C6: variants seen among roughly 807,000 people sequenced by gnomAD.
The protein encoded by C6 is complement component C6.
C6 carries 101 observed loss-of-function variants against 112.9 expected under a neutral mutation model. The ratio of observed to expected loss-of-function variants is 0.89; its 90% CI spans 0.76 to 1.06. The LOEUF (loss-of-function observed/expected upper bound fraction) is 1.06. C6 is among the 50% of genes least tolerant of loss of function. The pLI is 0.00. For synonymous variants in C6, 431 were observed against 384.1 expected (o/e 1.12, Z -1.43); for missense variants, 1,202 against 1,104.6 (o/e 1.09, Z -1.25).
chr5:41,224,500 T>G (rs1192628091), intron 1 of C6, among the ~76,000 whole-genome samples: 1 of 152,190 alleles, frequency 6.6e-6, no homozygotes, highest in Non-Finnish European at 1.5e-5. Flanking sequence ...TGAAATAATA[T>G]AATACGTCGT....
chr5:41,200,891 G>GTTTTT lies in C6; in HGVS notation c.300+662_300+666dup, dbSNP rs143443464. The stretch of plus-strand genomic sequence containing the variant: ...TGTTTTTGTTGTTGTTGTTGTTGTT[G>GTTTTT]TTTTTTTTTTTTTTTTTTTTTTTTT... On this transcript the variant is annotated intron_variant, in intron 3 of 17. Coordinates refer to ENST00000337836, the MANE Select transcript of C6 (RefSeq NM_000065.5). Among the ~76,000 whole-genome samples the GTTTTT allele has an allele frequency of 3.6e-3, 252 of 70,628 alleles. 14 individuals are homozygous for GTTTTT. The highest frequency in any genetic ancestry group is 0.022 in the Middle Eastern group (2 of 92). 46.3% of individuals were successfully genotyped at this position (70,628 alleles called of 152,430 possible).
chr5:41,228,893 C>A (rs142966398), intron 1 of C6, among the ~76,000 whole-genome samples: 2 of 152,138 alleles, frequency 1.3e-5, no homozygotes, highest in Admixed American at 1.3e-4. Flanking sequence ...CACCTATGTT[C>A]CACAGGAATA....
chr5:41,255,558 A>T (rs543484885), intron 1 of C6, among the ~76,000 whole-genome samples: 1 of 152,168 alleles, frequency 6.6e-6, no homozygotes, highest in South Asian at 2.1e-4. Context: ...TTGGGAAGGG[A>T]CTCTAATCAG....
chr5:41,203,481 C>A (rs942634142), intron 1 of C6: 1 of 484,320 alleles, frequency 2.1e-6, no homozygotes, highest in Non-Finnish European at 3.8e-6. Context: ...TAGTAAGTTT[C>A]TTCAAACGGT....
chr5:41,175,028 T>C (rs1468437590), intron 8 of C6, among the ~76,000 whole-genome samples: 4 of 152,210 alleles, frequency 2.6e-5, no homozygotes, highest in Non-Finnish European at 5.9e-5. Context: ...GAATATCGAA[T>C]ACATCTTACT....
At chr5:41,259,234 A>C (rs1741896083) in intron 1 of C6, among the ~76,000 whole-genome samples, 1 of 152,236 alleles carries the variant, frequency 6.6e-6, no homozygotes, top group African/African-American at 2.4e-5. Flanking sequence ...TGATGAAATT[A>C]TGAAAAAGAT....
At chr5:41,185,277 T>G (rs1580139354) in intron 6 of C6, among the ~76,000 whole-genome samples, 1 of 152,314 alleles carries the variant, frequency 6.6e-6, no homozygotes, top group East Asian at 1.9e-4. Flanking sequence ...AAAATGCCTG[T>G]ATTTATATGT....
rs368003732 is a variant in C6, at chr5:41,260,447, A to ACC, written c.-21+746_-21+747insGG. 2.3e-3 allele frequency among the ~76,000 whole-genome samples: 303 copies of ACC among 132,680 alleles called. 3 individuals are homozygous for ACC. Among genetic ancestry groups the ACC allele is most frequent in the Admixed American group, 5.2e-3 (69 of 13,212 alleles). The allele number at this position is 132,680 out of a possible 152,430, so 87.0% of individuals were successfully genotyped here. A position where few individuals can be genotyped will look rare whatever the true frequency, so the allele number is the denominator to read the frequency against. On this transcript the variant is annotated intron_variant, in intron 1 of 17. Coordinates refer to the C6 transcript ENST00000263413. Reference sequence around the variant, plus strand: ...ATTGTTCAGTAAAAACAAACAAATAAACCCCCCCCCAAAACAAACAAACAA... The same window carrying ACC: ...ATTGTTCAGTAAAAACAAACAAATAACCACCCCCCCCCAAAACAAACAAACAA...
intron 9 of C6, among the ~76,000 whole-genome samples, chr5:41,168,772 G>C (rs556597736): frequency 1.3e-5 from 2 of 152,228 alleles, no homozygotes; most frequent in South Asian, 4.1e-4. Flanking sequence ...AACTTATGTT[G>C]ATAAATAAAG....
chr5:41,181,708 T>G (rs1749366403), intron 6 of C6, 149 bp from the exon 7 acceptor site: 1 of 702,574 alleles, frequency 1.4e-6, no homozygotes, highest in East Asian at 2.7e-5. Flanking sequence ...AATAGTGTTA[T>G]TTCCTGCACT....
chr5:41,172,232 T>C lies in C6; in HGVS notation c.1284A>G (p.Lys428=). 1 of 1,613,786 alleles carries C rather than the reference T, an allele frequency of 6.2e-7. No homozygotes were observed. The highest frequency in any genetic ancestry group is 8.5e-7 in the Non-Finnish European group (1 of 1,179,762). The change falls in exon 9 of 18, where the codon AAA becomes AAG. Residue 428 remains lysine (K), a synonymous_variant. Coordinates refer to ENST00000337836, the MANE Select transcript of C6 (RefSeq NM_000065.5). The stretch of plus-strand genomic sequence containing the variant: ...AAGAGAGAGTACTGTTACCTTCATG[T>C]TTCTCTGACAGCTTGTTGGTGGTGC... The part of the protein sequence containing the change: ...HRCTTNKLSE[K]HEGSFIQGAE...
At chr5:41,239,556 T>C (rs1393451262) in intron 1 of C6, among the ~76,000 whole-genome samples, 1 of 152,120 alleles carries the variant, frequency 6.6e-6, no homozygotes, top group African/African-American at 2.4e-5. Context: ...CTATCAAACA[T>C]TAGAACTTAC....
intron 17 of C6, among the ~76,000 whole-genome samples, chr5:41,147,342 T>C (rs1745925255): frequency 6.6e-6 from 1 of 152,166 alleles, no homozygotes. Flanking sequence ...TTCTGTAACT[T>C]ATATGGAATT....
intron 1 of C6, among the ~76,000 whole-genome samples, chr5:41,224,716 G>A (rs1186904714): frequency 6.6e-5 from 10 of 152,018 alleles, no homozygotes; most frequent in Non-Finnish European, 8.8e-5. Context: ...GAACATTTGT[G>A]TACATGTTTT....
chr5:41,184,362 G>T (rs906357341), intron 6 of C6, among the ~76,000 whole-genome samples: 1 of 152,062 alleles, frequency 6.6e-6, no homozygotes, highest in Non-Finnish European at 1.5e-5. Context: ...AACATAGGCC[G>T]CCTCCGACTA....
chr5:41,181,439 T>C lies in C6; in HGVS notation c.847A>G (p.Ile283Val). Residue 283 changes from isoleucine (I) to valine (V), a missense_variant, in exon 7 of 18, where the codon ATT becomes GTT. By Grantham distance (29) the Ile-to-Val change is conservative. Transcript: ENST00000337836. ...TCACTTCTCTTTGAGGAATAAAAAATTGGTACACTGAAAGAGCTCCCCCCC... is the reference window on the plus strand; with the variant it reads ...TCACTTCTCTTTGAGGAATAAAAAACTGGTACACTGAAAGAGCTCCCCCCC... ...SQGGSSFSVPIFYSSKRSENI... is the reference protein window; with the variant it reads ...SQGGSSFSVPVFYSSKRSENI... 1.9e-6 allele frequency: 3 copies of C among 1,613,794 alleles called. No homozygotes were observed. Among genetic ancestry groups the C allele is most frequent in the Non-Finnish European group, 2.5e-6 (3 of 1,179,838 alleles).
intron 1 of C6, among the ~76,000 whole-genome samples, chr5:41,230,482 C>A (rs1218635556): frequency 2.0e-5 from 3 of 152,114 alleles, no homozygotes; most frequent in African/African-American, 7.2e-5. Flanking sequence ...TCCTGTAGCA[C>A]CCTCAGGCTT....
chr5:41,174,505 C>G (rs1748682472), intron 8 of C6, among the ~76,000 whole-genome samples: 2 of 152,102 alleles, frequency 1.3e-5, no homozygotes, highest in African/African-American at 4.8e-5. Flanking sequence ...TAAAATTATC[C>G]TCTTGCATAT....
intron 1 of C6, among the ~76,000 whole-genome samples, chr5:41,252,011 T>G (rs189032967): frequency 2.2e-4 from 34 of 152,358 alleles, no homozygotes; most frequent in African/African-American, 8.2e-4. Context: ...CAAAAGATTT[T>G]ATAGCGTGGC....
Sources: gnomAD v4.1 joint callset for allele counts (sites outside exome capture counted in the v4.1 genomes callset) on GRCh38, gnomAD v4.1.1 for gene constraint, MANE v1.5 for transcripts, NCBI Gene and HGNC (gene_info 2026-07-23, HGNC 2026-07-21) for gene names.